KDM5A: variants seen among roughly 807,000 people sequenced by gnomAD.
KDM5A encodes the protein lysine-specific demethylase 5A.
Under a neutral mutation model 193.5 loss-of-function variants are expected in KDM5A, and 42 were observed. The ratio of observed to expected loss-of-function variants is 0.22; its 90% CI spans 0.17 to 0.28. The LOEUF (loss-of-function observed/expected upper bound fraction) is 0.28, where lower values mean the gene tolerates loss of function less well. Ranked by LOEUF, KDM5A falls within the 10% of genes least tolerant of loss-of-function variation. KDM5A has a pLI of 1.00. For missense variants in KDM5A, 1,692 were observed against 2,055.1 expected, an observed-to-expected ratio of 0.82 and a Z score of 3.42; for synonymous variants, 796 against 718.1, an observed-to-expected ratio of 1.11 and a Z score of -1.73.
intron 4 of KDM5A, among the ~76,000 whole-genome samples, chr12:365,435 A>G (rs1212259112): frequency 6.6e-6 from 1 of 152,212 alleles, no homozygotes; most frequent in Non-Finnish European, 1.5e-5. Context: ...ATCTAGGTGA[A>G]AGTTCTAGAA....
rs142683157 is a variant in KDM5A at position 375,309 on chromosome 12, C to G, written c.366+8722G>C. On this transcript the variant is annotated intron_variant, in intron 3 of 27. Coordinates refer to ENST00000399788, the MANE Select transcript of KDM5A (RefSeq NM_001042603.3). ...TTTCTCTAAAGTTCTCTTCTCACTT[C>G]ATTTCATTAATTTGATCTTCAATCA... Among the ~76,000 whole-genome samples the G allele has an allele frequency of 2.8e-3, 429 of 152,192 alleles. 13 individuals carry two copies. The East Asian group carries it at 0.065, about 23-fold the overall frequency.
chr12:315,179 A>G (rs1423805461), intron 19 of KDM5A, among the ~76,000 whole-genome samples: 2 of 152,242 alleles, frequency 1.3e-5, no homozygotes, highest in African/African-American at 4.8e-5. Context: ...AAGTGAAAAG[A>G]TTCTTTTCAA....
At position 323,210 on chromosome 12, in the gene KDM5A, CAAAAAAAAAAAAAAAAAAAA is replaced by C. The variant is rs60377454; in HGVS notation, c.2151-24_2151-5del. The stretch of plus-strand genomic sequence containing the variant: ...GTCTTCTAATGGGTAGCGATATCTA[CAAAAAAAAAAAAAAAAAAAA>C]AAAAAAAAAGAAAACAGAAATAAAA... On this transcript the variant is annotated splice_polypyrimidine_tract_variant and splice_region_variant and intron_variant, in intron 15 of 27. Coordinates refer to ENST00000399788, the MANE Select transcript of KDM5A (RefSeq NM_001042603.3). 3 of 297,144 alleles carry C rather than the reference CAAAAAAAAAAAAAAAAAAAA, an allele frequency of 1.0e-5. No individual in the cohort carries two copies. The highest frequency in any genetic ancestry group is 1.4e-5 in the Non-Finnish European group (3 of 210,302). 18.4% of individuals were successfully genotyped at this position (297,144 alleles called of 1,614,324 possible).
intron 14 of KDM5A, among the ~76,000 whole-genome samples, chr12:324,822 G>A (rs920464901): frequency 1.3e-5 from 2 of 151,558 alleles, no homozygotes; most frequent in Non-Finnish European, 2.9e-5. Flanking sequence ...GCAATGAGCT[G>A]AGATCACGCC....
In KDM5A at chr12:314,344, C is replaced by T. The variant is rs145866059; in HGVS notation, c.2898-1150G>A. Among the ~76,000 whole-genome samples, 235 of 152,086 alleles carry T rather than the reference C, an allele frequency of 1.5e-3. 1 individual carries two copies. The highest frequency in any genetic ancestry group is 5.4e-3 in the African/African-American group (226 of 41,500). On this transcript the variant is annotated intron_variant, in intron 19 of 27. Transcript: ENST00000399788. ...CCGAGTAGCTGGGAGTACAGGCATG[C>T]GCCACCACGCCCGGCTAATTTTTTG...
At chr12:317,568 C>T (rs1943664386) in intron 19 of KDM5A, among the ~76,000 whole-genome samples, 2 of 152,178 alleles carry the variant, frequency 1.3e-5, no homozygotes, top group South Asian at 2.1e-4. Context: ...CAATAGTTTG[C>T]ACATATTTGA....
At chr12:314,192 C>A (rs1356794229) in intron 19 of KDM5A, among the ~76,000 whole-genome samples, 1 of 151,428 alleles carries the variant, frequency 6.6e-6, no homozygotes, top group Non-Finnish European at 1.5e-5. Flanking sequence ...CAGTCCTTGC[C>A]TCATGAAACC....
At chr12:306,178 G>C (rs1252698411) in intron 24 of KDM5A, among the ~76,000 whole-genome samples, 1 of 151,812 alleles carries the variant, frequency 6.6e-6, no homozygotes, top group African/African-American at 2.4e-5. Context: ...TCAATATGTT[G>C]CACAGGCTGG....
intron 3 of KDM5A, among the ~76,000 whole-genome samples, chr12:366,936 A>G (rs1434822919): frequency 5.3e-5 from 8 of 152,236 alleles, no homozygotes; most frequent in Admixed American, 5.2e-4. Flanking sequence ...TTAGATACAT[A>G]CACAAATACT....
At chr12:296,673 T>C (rs1943378427) in intron 25 of KDM5A, among the ~76,000 whole-genome samples, 2 of 152,046 alleles carry the variant, frequency 1.3e-5, no homozygotes. Flanking sequence ...TTCTAACAAT[T>C]AAAGTTACCC....
rs1027743572 is a variant in KDM5A at position 387,938 on chromosome 12, T to G, written c.165+989A>C. 2.4e-4 allele frequency among the ~76,000 whole-genome samples: 36 copies of G among 152,070 alleles called. 1 individual carries two copies. The highest frequency in any genetic ancestry group is 8.7e-4 in the African/African-American group (36 of 41,426). ...ATCATTACTAATACTAGACAAAACA[T>G]AAAGCAAAATGCCTTTAACAAGCAA... On this transcript the variant is annotated intron_variant, in intron 1 of 27. Coordinates refer to ENST00000399788, the MANE Select transcript of KDM5A (RefSeq NM_001042603.3).
intron 18 of KDM5A, among the ~76,000 whole-genome samples, chr12:318,700 G>A (rs1308449793): frequency 6.6e-6 from 1 of 152,164 alleles, no homozygotes; most frequent in Admixed American, 6.5e-5. Flanking sequence ...AATGACTGCT[G>A]ACTTAGATGC....
At chr12:329,125 A>G in intron 13 of KDM5A, 96 bp from the exon 14 acceptor site, 2 of 955,236 alleles carry the variant, frequency 2.1e-6, no homozygotes, top group East Asian at 5.1e-5. Context: ...TATTAGAAAG[A>G]AGACAGAATA....
At chr12:355,891 TAGAG>T (rs1944224785) in intron 6 of KDM5A, among the ~76,000 whole-genome samples, 2 of 152,304 alleles carry the variant, frequency 1.3e-5, no homozygotes, top group South Asian at 2.1e-4. Flanking sequence ...ACATGTTACA[TAGAG>T]AGAACAGTGG....
chr12:363,491 A>G (rs1010913497), intron 4 of KDM5A, among the ~76,000 whole-genome samples: 5 of 152,198 alleles, frequency 3.3e-5, no homozygotes, highest in African/African-American at 1.2e-4. Context: ...ATCTCCAACA[A>G]TGGTGGTGAG....
intron 7 of KDM5A, 28 bp downstream of exon 7, chr12:355,130 C>T (rs779000617): frequency 8.5e-6 from 11 of 1,298,190 alleles, no homozygotes; most frequent in Admixed American, 1.7e-5. Flanking sequence ...TAAATCCTTT[C>T]CCTCCTGACA....
intron 14 of KDM5A, among the ~76,000 whole-genome samples, chr12:327,867 A>C (rs950070401): frequency 6.6e-6 from 1 of 152,228 alleles, no homozygotes; most frequent in Non-Finnish European, 1.5e-5. Flanking sequence ...TTAAAAATTT[A>C]GACAGACATG....
At position 323,210 on chromosome 12, in the gene KDM5A, C is replaced by CAAAAAAAAAAAAGAAAAAAAAAAAAAAA; in HGVS notation, c.2151-5_2151-4insTTTTTTTTTTTTTTTCTTTTTTTTTTTT. 1 of 265,278 alleles carries CAAAAAAAAAAAAGAAAAAAAAAAAAAAA rather than the reference C, an allele frequency of 3.8e-6. No homozygotes were observed. The highest frequency in any genetic ancestry group is 5.3e-6 in the Non-Finnish European group (1 of 189,360). The allele number at this position is 265,278 out of a possible 1,614,324, so 16.4% of individuals were successfully genotyped here. On this transcript the variant is annotated splice_polypyrimidine_tract_variant and splice_region_variant and intron_variant, in intron 15 of 27. Coordinates refer to ENST00000399788, the MANE Select transcript of KDM5A (RefSeq NM_001042603.3). Reference sequence around the variant, plus strand: ...GTCTTCTAATGGGTAGCGATATCTACAAAAAAAAAAAAAAAAAAAAAAAAA... The same window carrying CAAAAAAAAAAAAGAAAAAAAAAAAAAAA: ...GTCTTCTAATGGGTAGCGATATCTACAAAAAAAAAAAAGAAAAAAAAAAAAAAAAAAAAAAAAAAAAAAAAAAAAAAAA...
At chr12:294,501 C>T (rs752907721) in intron 26 of KDM5A, among the ~76,000 whole-genome samples, 3 of 152,150 alleles carry the variant, frequency 2.0e-5, no homozygotes, top group African/African-American at 4.8e-5. Context: ...ATACTTTGTG[C>T]TTCCTTATCA....
Sources: gnomAD v4.1 joint callset for allele counts (sites outside exome capture counted in the v4.1 genomes callset) on GRCh38, gnomAD v4.1.1 for gene constraint, MANE v1.5 for transcripts, NCBI Gene and HGNC (gene_info 2026-07-23, HGNC 2026-07-21) for gene names.